CAPN6: variants seen among roughly 807,000 people sequenced by gnomAD.
The protein encoded by CAPN6 is calpain-6.
Under a neutral mutation model 46.0 loss-of-function variants are expected in CAPN6, and 16 were observed. The ratio of observed to expected loss-of-function variants is 0.35; its 90% CI spans 0.24 to 0.53. The LOEUF is 0.53. Ranked by LOEUF, CAPN6 falls within the 20% of genes least tolerant of loss-of-function variation. CAPN6 has a pLI of 0.94. For missense variants in CAPN6, 461 were observed against 498.0 expected, an observed-to-expected ratio of 0.93 and a Z score of 0.71; for synonymous variants, 206 against 172.8, an observed-to-expected ratio of 1.19 and a Z score of -1.51.
chrX:111,260,566 C>T (rs1250258840), intron 2 of CAPN6, among the ~76,000 whole-genome samples: 2 of 112,221 alleles, frequency 1.8e-5, no homozygotes, highest in African/African-American at 3.2e-5. Flanking sequence ...AACGGCTCAT[C>T]TGGCCTTCCT....
chrX:111,266,306 C>A (rs1427136903), intron 1 of CAPN6, among the ~76,000 whole-genome samples: 3 of 107,197 alleles, frequency 2.8e-5, no homozygotes, highest in Admixed American at 1.0e-4. Context: ...TCCATTTGCT[C>A]TGTGACCTTG....
intron 2 of CAPN6, among the ~76,000 whole-genome samples, chrX:111,256,716 ATTAT>A (rs2094984051): frequency 9.0e-6 from 1 of 111,237 alleles, no homozygotes; most frequent in African/African-American, 3.3e-5. Context: ...GAATGGGGTA[ATTAT>A]TCTCTTCTTG....
chrX:111,250,852 C>G (rs2094978654), intron 8 of CAPN6, 65 bp downstream of exon 8: 2 of 1,036,586 alleles, frequency 1.9e-6, no homozygotes, highest in South Asian at 4.2e-5. Flanking sequence ...CAGAGATGAC[C>G]AAAGCAAGAT....
At position 111,246,667 on chromosome X, in the gene CAPN6, G is replaced by A; in HGVS notation, c.1836C>T (p.Tyr612=). ...CAGTTGGACCACCCTTCTTACGCAGGTACAGAGACTTCAGATCACGGCAGT... is the reference window on the plus strand; with the variant it reads ...CAGTTGGACCACCCTTCTTACGCAGATACAGAGACTTCAGATCACGGCAGT... The part of the protein sequence containing the change: ...PSDCRDLKSL[Y]LRKKGGPTAK... Residue 612 remains tyrosine (Y), a synonymous_variant, in exon 13 of 13, where the codon TAC becomes TAT. Transcript: ENST00000324068. The A allele has an allele frequency of 8.3e-7, 1 of 1,210,103 alleles. No homozygotes were observed. Among genetic ancestry groups the A allele is most frequent in the Non-Finnish European group, 1.1e-6 (1 of 894,260 alleles).
At chrX:111,246,859 T>C in intron 12 of CAPN6, 100 bp from the exon 13 acceptor site, 3 of 716,658 alleles carry the variant, frequency 4.2e-6, no homozygotes, top group East Asian at 3.4e-5. Context: ...AAAAGATTTG[T>C]TTTAAAACCA....
intron 3 of CAPN6, among the ~76,000 whole-genome samples, chrX:111,253,702 A>AT (rs888762306): frequency 3.6e-5 from 4 of 112,044 alleles, no homozygotes; most frequent in African/African-American, 6.5e-5. Flanking sequence ...ATGTTTAGGA[A>AT]TTTTTTTTGT....
chrX:111,253,250 T>G (rs2094981154), intron 3 of CAPN6, 34 bp from the exon 4 acceptor site: 6 of 1,065,838 alleles, frequency 5.6e-6, no homozygotes, highest in Non-Finnish European at 7.8e-6. Context: ...CAAGTGTTAT[T>G]CACCAGACCA....
chrX:111,246,287 G>C lies in CAPN6; in HGVS notation c.*290C>G. ...GTAGGGTGTCCAGCCTCTTGTTATT[G>C]TCCTACTTGAATCTCACCCCCGGAA... On this transcript the variant is annotated 3_prime_UTR_variant, in exon 13 of 13. Transcript: ENST00000324068. 1 of 309,423 alleles carries C rather than the reference G, an allele frequency of 3.2e-6. No homozygotes were observed. The highest frequency in any genetic ancestry group is 5.6e-6 in the Non-Finnish European group (1 of 177,074). 25.5% of individuals were successfully genotyped at this position (309,423 alleles called of 1,213,427 possible). A position where few individuals can be genotyped will look rare whatever the true frequency, so the allele number is the denominator to read the frequency against.
At position 111,252,332 on chromosome X, in the gene CAPN6, C is replaced by T. The variant is rs973099135; in HGVS notation, c.674G>A (p.Gly225Asp). ...CTCAATGGAACAGCAGATCAGACCA[C>T]CTTTGGTAAATGTTTTGTACAGTTC... is the stretch of plus-strand genomic sequence containing the variant. ...FGELYKTFTK[G>D]GLICCSIESP... The change falls in exon 5 of 13, where the codon GGT becomes GAT. Residue 225 changes from glycine (G) to aspartate (D), a missense_variant. Gly to Asp is a moderately conservative substitution (Grantham distance 94). Transcript: ENST00000324068. 36 of 1,206,447 alleles carry T rather than the reference C, an allele frequency of 3.0e-5. No individual in the cohort carries two copies. Among genetic ancestry groups the T allele is most frequent in the Non-Finnish European group, 3.9e-5 (35 of 893,413 alleles).
At chrX:111,246,858 G>T in intron 12 of CAPN6, 99 bp from the exon 13 acceptor site, 1 of 718,500 alleles carries the variant, frequency 1.4e-6, no homozygotes. Flanking sequence ...CAAAAGATTT[G>T]TTTTAAAACC....
chrX:111,261,740 A>G (rs911922570), intron 2 of CAPN6, among the ~76,000 whole-genome samples: 3 of 111,684 alleles, frequency 2.7e-5, no homozygotes, highest in South Asian at 7.6e-4. Context: ...TGCTTGGTGC[A>G]CTTCTGGGGA....
In CAPN6 at chrX:111,247,081, G is replaced by A. The variant is rs1417778792; in HGVS notation, c.1743+287C>T. Among the ~76,000 whole-genome samples, 4 of 111,401 alleles carry A rather than the reference G, an allele frequency of 3.6e-5. No homozygotes were observed. The East Asian group carries it at 8.5e-4, about 24-fold the overall frequency. Reference sequence around the variant, plus strand: ...AGCCATGTGAGGGTCCTCTGAACTGGCATAAGCTTTCCTCCATGGGATTTT... The same window carrying A: ...AGCCATGTGAGGGTCCTCTGAACTGACATAAGCTTTCCTCCATGGGATTTT... On this transcript the variant is annotated intron_variant, in intron 12 of 12. Transcript: ENST00000324068.
Position 111,268,428 on chromosome X carries a change from T to C in CAPN6, c.-16+1943A>G, listed in dbSNP as rs750083628. On this transcript the variant is annotated intron_variant, in intron 1 of 12. Coordinates refer to ENST00000324068, the MANE Select transcript of CAPN6 (RefSeq NM_014289.4). ...TAGCTTCCCTGTCTACTTCAGAGTG[T>C]TATTGGGAGAATGTAATGAAATTAT... Among the ~76,000 whole-genome samples the C allele has an allele frequency of 8.9e-5, 10 of 112,444 alleles. No individual in the cohort carries two copies. In the South Asian group the frequency reaches 3.3e-3, roughly 38 times the overall value.
chrX:111,254,746 A>G (rs1321188369), intron 2 of CAPN6, among the ~76,000 whole-genome samples: 1 of 111,313 alleles, frequency 9.0e-6, no homozygotes, highest in Non-Finnish European at 1.9e-5. Flanking sequence ...AATAATAACT[A>G]GGAATTAGTA....
At chrX:111,263,678 G>T in intron 2 of CAPN6, 94 bp downstream of exon 2, 2 of 698,859 alleles carry the variant, frequency 2.9e-6, no homozygotes, top group Non-Finnish European at 4.2e-6. Context: ...TTCTAAATTG[G>T]TCTACACAGT....
intron 2 of CAPN6, among the ~76,000 whole-genome samples, chrX:111,255,348 G>A (rs1397969496): frequency 1.8e-5 from 2 of 112,214 alleles, no homozygotes; most frequent in East Asian, 2.8e-4. Context: ...AGAGGGGTAC[G>A]GTGGCATAAC....
intron 2 of CAPN6, 127 bp downstream of exon 2, chrX:111,263,645 G>A: frequency 2.2e-6 from 1 of 446,254 alleles, no homozygotes; most frequent in Non-Finnish European, 3.6e-6. Flanking sequence ...GAAAAAAAAA[G>A]AAAGGAAGGA....
chrX:111,258,096 G>A (rs756122895), intron 2 of CAPN6, among the ~76,000 whole-genome samples: 3 of 111,633 alleles, frequency 2.7e-5, no homozygotes, highest in South Asian at 7.7e-4. Context: ...ACCTCTGAGC[G>A]GGAGGGGGCA....
intron 8 of CAPN6, among the ~76,000 whole-genome samples, chrX:111,249,854 G>A (rs1417945637): frequency 1.0e-5 from 1 of 97,624 alleles, no homozygotes; most frequent in African/African-American, 3.8e-5. Context: ...AAGGAAGGAA[G>A]GAAGGAGGGA....
Sources: allele counts gnomAD v4.1 joint callset (sites outside exome capture counted in the v4.1 genomes callset), GRCh38; gene constraint gnomAD v4.1.1; transcripts MANE v1.5; gene names NCBI Gene and HGNC (gene_info 2026-07-23, HGNC 2026-07-21).